KIF6: variants seen among roughly 807,000 people sequenced by gnomAD.
KIF6 encodes the protein kinesin family member 6.
A neutral mutation model predicts 112.7 loss-of-function variants in KIF6; 106 were observed. The ratio of observed to expected loss-of-function variants is 0.94; its 90% CI spans 0.80 to 1.11. The LOEUF (loss-of-function observed/expected upper bound fraction) is 1.11, where lower values mean the gene tolerates loss of function less well. Ranked by LOEUF, KIF6 falls within the 50% of genes least tolerant of loss-of-function variation. The pLI is 0.00. For missense variants in KIF6, 929 were observed against 964.0 expected (o/e 0.96, Z 0.48); for synonymous variants, 339 against 339.9 (o/e 1.00, Z 0.03).
At chr6:39,405,964 G>A (rs967417341) in intron 15 of KIF6, among the ~76,000 whole-genome samples, 3 of 152,106 alleles carry the variant, frequency 2.0e-5, no homozygotes, top group African/African-American at 7.2e-5. Flanking sequence ...TGTCACATTT[G>A]TGTAGACTGT....
At chr6:39,723,913 C>G (rs1478641602) in intron 1 of KIF6, among the ~76,000 whole-genome samples, 1 of 151,784 alleles carries the variant, frequency 6.6e-6, no homozygotes, top group Non-Finnish European at 1.5e-5. Context: ...AATAAATGTT[C>G]TAAAATTGAA....
intron 9 of KIF6, among the ~76,000 whole-genome samples, chr6:39,584,039 C>G (rs1009122666): frequency 1.3e-5 from 2 of 151,968 alleles, no homozygotes; most frequent in Admixed American, 6.6e-5. Flanking sequence ...TTAAAAAACT[C>G]TAGAACAAAT....
rs187302372 is a variant in KIF6, at chr6:39,606,062, C to T, written c.639+7127G>A. Among the ~76,000 whole-genome samples, 331 of 151,098 alleles carry T rather than the reference C, an allele frequency of 2.2e-3. 2 individuals carry two copies. The highest frequency in any genetic ancestry group is 4.6e-3 in the Admixed American group (69 of 15,104). Reference sequence around the variant, plus strand: ...CCTTTGTCTCTCTTTCTAGATACACCTTCTCTCATTAATTTTTATATACTT... The same window carrying T: ...CCTTTGTCTCTCTTTCTAGATACACTTTCTCTCATTAATTTTTATATACTT... On this transcript the variant is annotated intron_variant, in intron 6 of 22. Coordinates refer to ENST00000287152, the MANE Select transcript of KIF6 (RefSeq NM_145027.6).
chr6:39,486,530 G>T (rs572023974), intron 13 of KIF6, among the ~76,000 whole-genome samples: 1 of 152,298 alleles, frequency 6.6e-6, no homozygotes, highest in African/African-American at 2.4e-5. Flanking sequence ...TAAAATGATT[G>T]CTGCTTTATA....
In KIF6 at chr6:39,578,092, T is replaced by C; in HGVS notation, c.1145A>G (p.Gln382Arg). The C allele has an allele frequency of 1.9e-6, 3 of 1,614,128 alleles. No homozygotes were observed. The highest frequency in any genetic ancestry group is 2.5e-6 in the Non-Finnish European group (3 of 1,179,962). ...TGCTTCTGTGAGTGCCTCTGTCCTC[T>C]GCTCCCCAGTGACCATGGCCAGTTC... ...KDELAMVTGEQRTEALTEAEL... is the reference protein window; with the variant it reads ...KDELAMVTGERRTEALTEAEL... The change falls in exon 10 of 23, where the codon CAG (glutamine) becomes CGG (arginine). Residue 382 changes from glutamine (Q) to arginine (R), a missense_variant. By Grantham distance (43) the Gln-to-Arg change is conservative. Transcript: ENST00000287152.
intron 15 of KIF6, among the ~76,000 whole-genome samples, chr6:39,404,594 G>T (rs1418979411): frequency 6.6e-6 from 1 of 152,112 alleles, no homozygotes; most frequent in Non-Finnish European, 1.5e-5. Flanking sequence ...TCTTAAAATT[G>T]TGTGGTGTGA....
intron 5 of KIF6, among the ~76,000 whole-genome samples, chr6:39,621,074 C>T (rs1476220820): frequency 1.3e-5 from 2 of 151,698 alleles, no homozygotes; most frequent in African/African-American, 4.8e-5. Flanking sequence ...CAGCCTACAA[C>T]ATTTTTTTAA....
intron 19 of KIF6, 62 bp downstream of exon 19, chr6:39,357,215 A>T: frequency 3.0e-6 from 3 of 1,005,998 alleles, no homozygotes; most frequent in Non-Finnish European, 4.6e-6. Flanking sequence ...GGAATAGGTT[A>T]AACAGAAAGG....
At chr6:39,356,410 C>T (rs925089615) in intron 19 of KIF6, among the ~76,000 whole-genome samples, 82 of 152,060 alleles carry the variant, frequency 5.4e-4, no homozygotes, top group African/African-American at 1.9e-3. Context: ...GGATTACAGG[C>T]GTGTGCCACC....
chr6:39,380,604 C>T (rs957140925), intron 16 of KIF6, among the ~76,000 whole-genome samples: 1 of 151,842 alleles, frequency 6.6e-6, no homozygotes, highest in African/African-American at 2.4e-5. Context: ...ATCCATATGC[C>T]ATTGGTGTGG....
At chr6:39,675,745 TAAC>T (rs1013416187) in intron 3 of KIF6, among the ~76,000 whole-genome samples, 1 of 150,918 alleles carries the variant, frequency 6.6e-6, no homozygotes, top group African/African-American at 2.4e-5. Context: ...AATAATAACA[TAAC>T]AAGACACTAT....
chr6:39,589,197 A>G (rs1781799763), intron 7 of KIF6, among the ~76,000 whole-genome samples: 1 of 152,210 alleles, frequency 6.6e-6, no homozygotes, highest in African/African-American at 2.4e-5. Context: ...ATTTCCATAC[A>G]GCATACAGCT....
intron 13 of KIF6, among the ~76,000 whole-genome samples, chr6:39,527,051 A>G (rs970417985): frequency 6.6e-6 from 1 of 152,164 alleles, no homozygotes; most frequent in Admixed American, 6.5e-5. Context: ...AACCTGTTAG[A>G]GGATTGGGTA....
In KIF6 at chr6:39,613,323, G is replaced by C; in HGVS notation, c.510-5C>G. On this transcript the variant is annotated splice_region_variant and splice_polypyrimidine_tract_variant and intron_variant, in intron 5 of 22. Transcript: ENST00000287152. ...TCCTCCAGTATTGTCACTTTCCTAA[G>C]CAAATGGGAAGCAAGAAAACAAGGT... 1 of 1,565,352 alleles carries C rather than the reference G, an allele frequency of 6.4e-7. No homozygotes were observed. Among genetic ancestry groups the C allele is most frequent in the Non-Finnish European group, 8.6e-7 (1 of 1,161,276 alleles).
chr6:39,556,066 G>A, intron 10 of KIF6, among the ~76,000 whole-genome samples: 1 of 151,708 alleles, frequency 6.6e-6, no homozygotes, highest in South Asian at 2.1e-4. Context: ...ACATGCCCAA[G>A]TGAGTAAAGA....
At chr6:39,565,126 A>G (rs970111772) in intron 10 of KIF6, among the ~76,000 whole-genome samples, 1 of 152,170 alleles carries the variant, frequency 6.6e-6, no homozygotes, top group African/African-American at 2.4e-5. Flanking sequence ...TTGCTTTGAC[A>G]TTGCATATGG....
rs541038705 is a variant in KIF6, at chr6:39,370,076, T to C, written c.1862-7558A>G. ...TGGAAGTGTGCCTGAAGTTCTGAAC[T>C]CAGGTTTCTCTCAAAGCTCTGAGTA... On this transcript the variant is annotated intron_variant, in intron 16 of 22. Transcript: ENST00000287152. 4.6e-5 allele frequency among the ~76,000 whole-genome samples: 7 copies of C among 152,324 alleles called. No individual in the cohort carries two copies. The South Asian group carries it at 6.2e-4, about 14-fold the overall frequency.
At position 39,475,198 on chromosome 6, in the gene KIF6, G is replaced by A. The variant is rs141977805; in HGVS notation, c.1646-44037C>T. ...CTGGTTCCTTCCTGCCCACAAAATG[G>A]GGAGTGGGTGGAGATGGAAATAATT... On this transcript the variant is annotated intron_variant, in intron 13 of 22. Coordinates refer to ENST00000287152, the MANE Select transcript of KIF6 (RefSeq NM_145027.6). Among the ~76,000 whole-genome samples, 1,177 of 152,272 alleles carry A rather than the reference G, an allele frequency of 7.7e-3. 8 individuals carry two copies. The highest frequency in any genetic ancestry group is 0.017 in the Middle Eastern group (5 of 294).
At chr6:39,404,058 T>C (rs886936525) in intron 15 of KIF6, among the ~76,000 whole-genome samples, 11 of 152,206 alleles carry the variant, frequency 7.2e-5, no homozygotes, top group Non-Finnish European at 1.2e-4. Flanking sequence ...GTATTTTTTA[T>C]ATTCTGTATA....
Sources: gnomAD v4.1 joint callset for allele counts (sites outside exome capture counted in the v4.1 genomes callset) on GRCh38, gnomAD v4.1.1 for gene constraint, MANE v1.5 for transcripts, NCBI Gene and HGNC (gene_info 2026-07-23, HGNC 2026-07-21) for gene names.